NRG3: variants seen among roughly 807,000 people sequenced by gnomAD.
NRG3 encodes neuregulin 3, also known as pro-neuregulin-3, membrane-bound isoform.
A neutral mutation model predicts 66.9 loss-of-function variants in NRG3; 31 were observed. The observed-to-expected ratio is 0.46, with a 90% CI of 0.35 to 0.63. The LOEUF is 0.63. NRG3 is among the 20% of genes least tolerant of loss of function. The pLI is 0.00. For missense variants in NRG3, 910 were observed against 878.9 expected (o/e 1.04, Z -0.45); for synonymous variants, 393 against 359.4 (o/e 1.09, Z -1.06).
At chr10:82,896,509 C>T (rs753233704) in intron 4 of NRG3, among the ~76,000 whole-genome samples, 2 of 152,104 alleles carry the variant, frequency 1.3e-5, no homozygotes, top group East Asian at 3.9e-4. Flanking sequence ...CATGAAATAC[C>T]TGTTTATTGT....
intron 1 of NRG3, among the ~76,000 whole-genome samples, chr10:82,332,664 A>C (rs538343755): frequency 2.0e-5 from 3 of 152,310 alleles, no homozygotes; most frequent in East Asian, 1.9e-4. Flanking sequence ...AAAGAAGGCA[A>C]ATTCCATGTT....
intron 2 of NRG3, among the ~76,000 whole-genome samples, chr10:82,540,242 A>C (rs921222916): frequency 1.3e-5 from 2 of 151,972 alleles, no homozygotes; most frequent in Non-Finnish European, 2.9e-5. Context: ...TTAAAAAAAA[A>C]AAAATTGTCC....
chr10:82,970,476 A>G (rs1851620267), intron 6 of NRG3, among the ~76,000 whole-genome samples: 1 of 152,042 alleles, frequency 6.6e-6, no homozygotes, highest in African/African-American at 2.4e-5. Flanking sequence ...AATTTCCTCT[A>G]TTCTGATTAC....
intron 3 of NRG3, among the ~76,000 whole-genome samples, chr10:82,802,257 C>A (rs950369336): frequency 6.6e-6 from 1 of 152,104 alleles, no homozygotes; most frequent in East Asian, 1.9e-4. Context: ...TGTGTTGCCA[C>A]AAATGAGTAG....
chr10:82,692,475 A>G (rs2055014386), intron 2 of NRG3, among the ~76,000 whole-genome samples: 1 of 152,200 alleles, frequency 6.6e-6, no homozygotes. Context: ...AGAATTAGGC[A>G]TGCAGACACA....
intron 1 of NRG3, among the ~76,000 whole-genome samples, chr10:82,357,819 TC>T (rs1279832655): frequency 6.6e-6 from 1 of 152,222 alleles, no homozygotes; most frequent in Non-Finnish European, 1.5e-5. Flanking sequence ...TGGTATAATA[TC>T]CCATGCTTGA....
intron 1 of NRG3, among the ~76,000 whole-genome samples, chr10:82,260,756 C>T (rs1472452466): frequency 6.6e-6 from 1 of 152,014 alleles, no homozygotes; most frequent in Non-Finnish European, 1.5e-5. Context: ...GAAACATGAC[C>T]CCCCCATACA....
chr10:81,900,242 CTGG>C (rs1185586775), intron 1 of NRG3, among the ~76,000 whole-genome samples: 9 of 144,654 alleles, frequency 6.2e-5, no homozygotes, highest in Middle Eastern at 3.5e-3. Context: ...GCCAATGCGC[CTGG>C]CCGGTTTTTA....
chr10:82,570,392 A>G (rs1183517792), intron 2 of NRG3, among the ~76,000 whole-genome samples: 3 of 151,644 alleles, frequency 2.0e-5, no homozygotes, highest in Admixed American at 6.6e-5. Context: ...TTGATTAGTC[A>G]ATTAAATATA....
chr10:82,893,701 A>G (rs1038324807), intron 4 of NRG3, among the ~76,000 whole-genome samples: 5 of 152,166 alleles, frequency 3.3e-5, no homozygotes, highest in African/African-American at 1.2e-4. Context: ...AAAAGAATAA[A>G]TAGAGGTGAA....
At chr10:82,866,823 A>G (rs955167819) in intron 4 of NRG3, among the ~76,000 whole-genome samples, 4 of 152,276 alleles carry the variant, frequency 2.6e-5, no homozygotes, top group African/African-American at 9.6e-5. Context: ...AGATGACAAT[A>G]TTCAAAGCAT....
rs185182023 is a variant in NRG3 at position 82,034,383 on chromosome 10, G to A, written c.823+158220G>A. Reference sequence around the variant, plus strand: ...AAACAGTGGAGGTGTCTTGGAAACCGCAAGATGCATCCTGCAAAAAGGTAG... The same window carrying A: ...AAACAGTGGAGGTGTCTTGGAAACCACAAGATGCATCCTGCAAAAAGGTAG... On this transcript the variant is annotated intron_variant, in intron 1 of 8. Transcript: ENST00000372141. 3.3e-5 allele frequency among the ~76,000 whole-genome samples: 5 copies of A among 152,214 alleles called. No individual in the cohort carries two copies. In the East Asian group the frequency reaches 9.7e-4, roughly 30 times the overall value.
chr10:82,107,179 C>A (rs1004522404), intron 1 of NRG3, among the ~76,000 whole-genome samples: 1 of 152,200 alleles, frequency 6.6e-6, no homozygotes, highest in African/African-American at 2.4e-5. Context: ...CATCCCAAAT[C>A]TGAAAATCCC....
chr10:82,509,443 G>C (rs1844975538), intron 2 of NRG3, among the ~76,000 whole-genome samples: 1 of 152,154 alleles, frequency 6.6e-6, no homozygotes, highest in Admixed American at 6.5e-5. Flanking sequence ...AGTAACCACA[G>C]CTTGCTATAA....
chr10:82,373,692 T>C (rs1171645880), intron 2 of NRG3, among the ~76,000 whole-genome samples: 2 of 152,230 alleles, frequency 1.3e-5, no homozygotes, highest in Non-Finnish European at 2.9e-5. Context: ...AAGTATCTAC[T>C]TTAAATAAGG....
chr10:82,915,082 T>G (rs967456389), intron 4 of NRG3, among the ~76,000 whole-genome samples: 1 of 152,208 alleles, frequency 6.6e-6, no homozygotes, highest in Admixed American at 6.5e-5. Context: ...CCTGCAGAAG[T>G]TTTTATATTT....
intron 1 of NRG3, among the ~76,000 whole-genome samples, chr10:81,894,619 G>A (rs1401201837): frequency 3.3e-5 from 5 of 152,232 alleles, no homozygotes; most frequent in African/African-American, 7.2e-5. Flanking sequence ...AGAAACACAC[G>A]CACTAATCAA....
chr10:82,287,140 T>G (rs1336876446), intron 1 of NRG3, among the ~76,000 whole-genome samples: 1 of 152,058 alleles, frequency 6.6e-6, no homozygotes, highest in Non-Finnish European at 1.5e-5. Context: ...GAATTGTAAT[T>G]CCCAGTATTG....
At chr10:82,368,372 A>AAT (rs2135712789) in intron 2 of NRG3, among the ~76,000 whole-genome samples, 1 of 138,936 alleles carries the variant, frequency 7.2e-6, no homozygotes, top group East Asian at 2.1e-4. Context: ...TTAAAAACAC[A>AAT]ATAATACCAG....
Sources: gnomAD v4.1 joint callset for allele counts (sites outside exome capture counted in the v4.1 genomes callset) on GRCh38, gnomAD v4.1.1 for gene constraint, MANE v1.5 for transcripts, NCBI Gene and HGNC (gene_info 2026-07-23, HGNC 2026-07-21) for gene names.